The following CPVL variants were observed in gnomAD, a reference collection of about 807,000 sequenced individuals.
CPVL encodes carboxypeptidase vitellogenic like, also known as probable serine carboxypeptidase CPVL.
In CPVL, 51 loss-of-function variants were observed where a neutral mutation model predicts 63.7. The ratio of observed to expected loss-of-function variants is 0.80; its 90% CI spans 0.64 to 1.01. CPVL has a LOEUF of 1.01. Ranked by LOEUF, CPVL falls within the 50% of genes least tolerant of loss-of-function variation. The pLI is 0.00. For synonymous variants in CPVL, 195 were observed against 206.0 expected (o/e 0.95, Z 0.46); for missense variants, 530 against 573.1 (o/e 0.92, Z 0.77).
chr7:29,178,786 T>G (rs1797700962), intron 5 of CPVL, among the ~76,000 whole-genome samples: 1 of 152,282 alleles, frequency 6.6e-6, no homozygotes, highest in South Asian at 2.1e-4. Context: ...TCTGCATTCA[T>G]ATGAAAAATG....
At chr7:29,026,949 C>A (rs1787558154) in intron 12 of CPVL, among the ~76,000 whole-genome samples, 3 of 152,102 alleles carry the variant, frequency 2.0e-5, no homozygotes, top group Admixed American at 6.5e-5. Context: ...CAAACTAATT[C>A]TTTAAAATTA....
intron 12 of CPVL, among the ~76,000 whole-genome samples, chr7:29,004,742 G>C (rs1452563065): frequency 6.6e-6 from 1 of 152,074 alleles, no homozygotes; most frequent in East Asian, 1.9e-4. Flanking sequence ...AGAGGTTTCT[G>C]GGAACATAGG....
chr7:29,011,727 G>A (rs1785854865), intron 12 of CPVL: 1 of 152,100 alleles, frequency 6.6e-6, no homozygotes, highest in African/African-American at 2.4e-5. Flanking sequence ...AAAAAATTGT[G>A]AGATAGCACA....
chr7:29,025,477 A>G (rs947451567), intron 12 of CPVL, among the ~76,000 whole-genome samples: 1 of 152,186 alleles, frequency 6.6e-6, no homozygotes, highest in African/African-American at 2.4e-5. Flanking sequence ...AAAGCCATTC[A>G]TGAGGAATCT....
chr7:29,098,259 G>A (rs1437231967), intron 3 of CPVL, among the ~76,000 whole-genome samples: 1 of 152,188 alleles, frequency 6.6e-6, no homozygotes, highest in African/African-American at 2.4e-5. Context: ...GCCAAGACCT[G>A]CAGGAAGAGC....
intron 11 of CPVL, among the ~76,000 whole-genome samples, chr7:29,054,092 A>T (rs1428315277): frequency 6.6e-6 from 1 of 152,010 alleles, no homozygotes; most frequent in African/African-American, 2.4e-5. Flanking sequence ...AAAACAAAAC[A>T]AACAAAATCT....
intron 5 of CPVL, among the ~76,000 whole-genome samples, chr7:29,156,890 T>C (rs1794449928): frequency 6.6e-6 from 1 of 152,200 alleles, no homozygotes; most frequent in Non-Finnish European, 1.5e-5. Context: ...ATGAAAATCC[T>C]GTGGCTGCCA....
At chr7:29,088,127 A>G (rs1457363009) in intron 6 of CPVL, among the ~76,000 whole-genome samples, 2 of 152,202 alleles carry the variant, frequency 1.3e-5, no homozygotes, top group Admixed American at 1.3e-4. Context: ...ATTTCCTTGT[A>G]GTATTTGCTG....
chr7:29,054,211 C>A (rs1221230493), intron 11 of CPVL, among the ~76,000 whole-genome samples: 4 of 152,146 alleles, frequency 2.6e-5, no homozygotes, highest in African/African-American at 9.7e-5. Context: ...AATATTATTT[C>A]TATCAATTTC....
At chr7:29,153,674 A>G (rs552760177) in intron 5 of CPVL, among the ~76,000 whole-genome samples, 4 of 152,296 alleles carry the variant, frequency 2.6e-5, no homozygotes, top group Admixed American at 2.6e-4. Flanking sequence ...GGTTCAAGGA[A>G]TTCTCATGCC....
chr7:29,073,536 A>T (rs1783954391), intron 7 of CPVL, among the ~76,000 whole-genome samples: 1 of 151,992 alleles, frequency 6.6e-6, no homozygotes, highest in African/African-American at 2.4e-5. Flanking sequence ...TTTCCAGCCC[A>T]TTGGGTTCCA....
intron 2 of CPVL, among the ~76,000 whole-genome samples, chr7:29,115,986 T>C (rs919735430): frequency 3.3e-5 from 5 of 152,188 alleles, no homozygotes; most frequent in Admixed American, 2.6e-4. Flanking sequence ...AGACCTTCCC[T>C]CCTAGGTCAG....
intron 3 of CPVL, among the ~76,000 whole-genome samples, chr7:29,112,393 A>G (rs975846333): frequency 6.6e-5 from 10 of 152,136 alleles, no homozygotes; most frequent in Admixed American, 1.3e-4. Context: ...AAGTATTTTT[A>G]GAACAAAAAT....
At chr7:29,160,412 C>T (rs984727539) in intron 5 of CPVL, among the ~76,000 whole-genome samples, 2 of 152,180 alleles carry the variant, frequency 1.3e-5, no homozygotes, top group African/African-American at 4.8e-5. Context: ...TTTGGTATCT[C>T]CTTTTAGTTT....
chr7:29,012,571 A>T (rs1166634897), intron 12 of CPVL: 1 of 152,240 alleles, frequency 6.6e-6, no homozygotes, highest in East Asian at 1.9e-4. Flanking sequence ...GATTTCAGAG[A>T]ACCAGTGCCA....
intron 1 of CPVL, among the ~76,000 whole-genome samples, chr7:29,138,441 A>AAAT (rs1046532539): frequency 4.6e-5 from 7 of 152,172 alleles, no homozygotes; most frequent in Non-Finnish European, 7.3e-5. Context: ...CTACGTCTCC[A>AAAT]AATAATAATA....
At chr7:29,117,684 T>C (rs1477986829) in intron 2 of CPVL, among the ~76,000 whole-genome samples, 1 of 152,186 alleles carries the variant, frequency 6.6e-6, no homozygotes, top group African/African-American at 2.4e-5. Flanking sequence ...AGATATTTGA[T>C]TTCTCCGGGC....
rs1336608678 is a variant in CPVL at position 29,096,126 on chromosome 7, T to C, written c.380A>G (p.Tyr127Cys). 6.2e-7 allele frequency: 1 copy of C among 1,614,062 alleles called. No individual in the cohort carries two copies. The highest frequency in any genetic ancestry group is 1.1e-5 in the South Asian group (1 of 91,078). The stretch of plus-strand genomic sequence containing the variant: ...ACAGGTCATGTTACTTGTGACAACA[T>C]AAGGCCCATGTTCCACAAAGAGTCC... The part of the protein sequence containing the change: ...MFGLFVEHGP[Y>C]VVTSNMTLRD... Residue 127 changes from tyrosine (Y) to cysteine (C), a missense_variant, in exon 4 of 13, where the codon TAT becomes TGT. Coordinates refer to ENST00000265394, the MANE Select transcript of CPVL (RefSeq NM_031311.5).
chr7:29,098,828 C>T (rs951557433), intron 3 of CPVL, among the ~76,000 whole-genome samples: 6 of 152,028 alleles, frequency 3.9e-5, no homozygotes, highest in South Asian at 2.1e-4. Flanking sequence ...TTTGGGAGGT[C>T]GAGGCGGGCG....
Sources: gnomAD v4.1 joint callset for allele counts (sites outside exome capture counted in the v4.1 genomes callset) on GRCh38, gnomAD v4.1.1 for gene constraint, MANE v1.5 for transcripts, NCBI Gene and HGNC (gene_info 2026-07-23, HGNC 2026-07-21) for gene names.